The following TWSG1 variants were observed in gnomAD, a reference collection of about 807,000 sequenced individuals.
TWSG1 encodes the protein twisted gastrulation protein homolog 1.
A neutral mutation model predicts 23.0 loss-of-function variants in TWSG1; 15 were observed. That is an observed-to-expected ratio of 0.65 (90% CI 0.44 to 1.00). The LOEUF is 1.00. Ranked by LOEUF, TWSG1 falls within the 50% of genes least tolerant of loss-of-function variation. The probability of loss-of-function intolerance (pLI) is 0.00; values close to 1 mark genes in which losing one functional copy is unlikely to be tolerated. For synonymous variants in TWSG1, 86 were observed against 92.8 expected (o/e 0.93, Z 0.42); for missense variants, 242 against 278.7 (o/e 0.87, Z 0.94).
intron 3 of TWSG1, among the ~76,000 whole-genome samples, chr18:9,390,743 G>T (rs1316551607): frequency 6.6e-6 from 1 of 152,176 alleles, no homozygotes; most frequent in Non-Finnish European, 1.5e-5. Context: ...CAGGTGCAGT[G>T]GTTCATGTCT....
chr18:9,377,019 G>T (rs1172301212), intron 3 of TWSG1, among the ~76,000 whole-genome samples: 2 of 151,954 alleles, frequency 1.3e-5, no homozygotes, highest in Non-Finnish European at 2.9e-5. Flanking sequence ...GTATTCACGA[G>T]GCTGTGTGTA....
At position 9,402,317 on chromosome 18, in the gene TWSG1, TTTATGTTTA is replaced by T. The variant is rs1349908646; in HGVS notation, c.*2793_*2801del. The T allele has an allele frequency of 1.3e-5, 2 of 152,020 alleles. No homozygotes were observed. The highest frequency in any genetic ancestry group is 2.4e-5 in the African/African-American group (1 of 41,364). The allele number at this position is 152,020 out of a possible 1,614,324, so 9.4% of individuals were successfully genotyped here. ...GAAATCTATTCTGCATTCCCAAGAG[TTTATGTTTA>T]TTGTATTTTATATGATCTACAACAT... On this transcript the variant is annotated 3_prime_UTR_variant, in exon 5 of 5. Transcript: ENST00000262120.
intron 3 of TWSG1, among the ~76,000 whole-genome samples, chr18:9,387,112 G>A (rs901613122): frequency 4.6e-5 from 7 of 152,200 alleles, no homozygotes; most frequent in Non-Finnish European, 8.8e-5. Flanking sequence ...TAAGCACACA[G>A]GAGGCATGGG....
intron 3 of TWSG1, among the ~76,000 whole-genome samples, chr18:9,385,023 G>A (rs2040675727): frequency 1.3e-5 from 2 of 152,174 alleles, no homozygotes; most frequent in South Asian, 4.1e-4. Context: ...TATGGTGAGA[G>A]TATGAGTGAC....
intron 2 of TWSG1, among the ~76,000 whole-genome samples, chr18:9,354,687 T>C (rs140404231): frequency 1.9e-3 from 283 of 152,322 alleles, no homozygotes; most frequent in African/African-American, 6.4e-3. Flanking sequence ...GCTGATTAAA[T>C]TATGTTGACA....
intron 2 of TWSG1, among the ~76,000 whole-genome samples, chr18:9,350,096 T>G (rs2145598452): frequency 6.6e-6 from 1 of 151,844 alleles, no homozygotes; most frequent in East Asian, 1.9e-4. Flanking sequence ...GCCGAGATCG[T>G]GCCACTGCAC....
chr18:9,376,172 C>T (rs2040629580), intron 3 of TWSG1, among the ~76,000 whole-genome samples: 1 of 152,224 alleles, frequency 6.6e-6, no homozygotes, highest in Admixed American at 6.5e-5. Context: ...CTGCCTCAGC[C>T]TCCCAAAGTG....
chr18:9,396,600 T>C, intron 4 of TWSG1, 54 bp downstream of exon 4: 1 of 1,573,622 alleles, frequency 6.4e-7, no homozygotes, highest in Non-Finnish European at 8.6e-7. Context: ...GGTCTGTCCA[T>C]GTAATCTATA....
rs1343730982 is a variant in TWSG1, at chr18:9,372,187, C to T, written c.223+12116C>T. On this transcript the variant is annotated intron_variant, in intron 3 of 4. Coordinates refer to ENST00000262120, the MANE Select transcript of TWSG1 (RefSeq NM_020648.6). ...TATATTTGTATATACAGTAGTTCCC[C>T]CTTATCGGTGGGAGATACATTCCAG... is the stretch of plus-strand genomic sequence containing the variant. 2.0e-5 allele frequency among the ~76,000 whole-genome samples: 3 copies of T among 151,298 alleles called. No individual in the cohort carries two copies. In the East Asian group the frequency reaches 5.8e-4, roughly 29 times the overall value.
intron 2 of TWSG1, among the ~76,000 whole-genome samples, chr18:9,345,884 C>T (rs1231846302): frequency 6.6e-6 from 1 of 152,070 alleles, no homozygotes; most frequent in Admixed American, 6.6e-5. Flanking sequence ...AAAGGGTTCC[C>T]ATATACCCAT....
intron 2 of TWSG1, among the ~76,000 whole-genome samples, chr18:9,352,343 C>G (rs184244228): frequency 3.0e-4 from 46 of 152,214 alleles, no homozygotes; most frequent in Non-Finnish European, 6.3e-4. Context: ...ATTGTTGGAC[C>G]TTGCGTGGTT....
At chr18:9,362,842 T>A (rs564763951) in intron 3 of TWSG1, among the ~76,000 whole-genome samples, 12 of 152,342 alleles carry the variant, frequency 7.9e-5, no homozygotes, top group Admixed American at 2.6e-4. Context: ...CCTTTAAGGG[T>A]TGGATGTCCA....
intron 1 of TWSG1, among the ~76,000 whole-genome samples, chr18:9,336,121 G>A (rs970940279): frequency 2.4e-4 from 36 of 152,126 alleles, no homozygotes; most frequent in Non-Finnish European, 4.0e-4. Flanking sequence ...GGCCGGGCGC[G>A]GTAGCTCACC....
At chr18:9,348,757 A>G (rs1169213071) in intron 2 of TWSG1, among the ~76,000 whole-genome samples, 1 of 152,248 alleles carries the variant, frequency 6.6e-6, no homozygotes, top group Non-Finnish European at 1.5e-5. Flanking sequence ...ATAAAAGTTT[A>G]TAAAAAGATA....
chr18:9,355,084 T>G (rs921469574), intron 2 of TWSG1, among the ~76,000 whole-genome samples: 1 of 152,036 alleles, frequency 6.6e-6, no homozygotes, highest in Non-Finnish European at 1.5e-5. Flanking sequence ...GCCTCCTGAG[T>G]AGCTGGGACT....
chr18:9,395,678 G>T (rs1455369863), intron 3 of TWSG1, among the ~76,000 whole-genome samples: 1 of 152,038 alleles, frequency 6.6e-6, no homozygotes, highest in Non-Finnish European at 1.5e-5. Context: ...AAATCCTCCC[G>T]CCTCAGCCTC....
chr18:9,356,209 G>A (rs931918997), intron 2 of TWSG1, among the ~76,000 whole-genome samples: 3 of 152,128 alleles, frequency 2.0e-5, no homozygotes, highest in Non-Finnish European at 4.4e-5. Context: ...GTAAGCATAT[G>A]ACTACAGCAT....
At chr18:9,368,934 C>T (rs1443404035) in intron 3 of TWSG1, among the ~76,000 whole-genome samples, 1 of 148,170 alleles carries the variant, frequency 6.7e-6, no homozygotes, top group African/African-American at 2.5e-5. Flanking sequence ...GGCAACAGAG[C>T]GAGACTCTGT....
chr18:9,368,181 T>C (rs577568511), intron 3 of TWSG1, among the ~76,000 whole-genome samples: 4 of 152,052 alleles, frequency 2.6e-5, no homozygotes, highest in African/African-American at 9.6e-5. Context: ...TGAGGTAATA[T>C]CTTATTGTGG....
Sources: gnomAD v4.1 joint callset for allele counts (sites outside exome capture counted in the v4.1 genomes callset) on GRCh38, gnomAD v4.1.1 for gene constraint, MANE v1.5 for transcripts, NCBI Gene and HGNC (gene_info 2026-07-23, HGNC 2026-07-21) for gene names.